The following DNAJC1 variants were observed in gnomAD, a reference collection of about 807,000 sequenced individuals.
DNAJC1 encodes DnaJ heat shock protein family (Hsp40) member C1.
DNAJC1 carries 58 observed loss-of-function variants against 76.6 expected under a neutral mutation model. The ratio of observed to expected loss-of-function variants is 0.76; its 90% CI spans 0.61 to 0.94. The LOEUF (loss-of-function observed/expected upper bound fraction) is 0.94. Among genes scored for constraint, DNAJC1 ranks in the 40% least tolerant of loss-of-function variants. The pLI, the probability that DNAJC1 is intolerant of heterozygous loss-of-function variation, is 0.00. For synonymous variants in DNAJC1, 258 were observed against 267.9 expected (o/e 0.96, Z 0.36); for missense variants, 689 against 677.3 (o/e 1.02, Z -0.19).
intron 6 of DNAJC1, among the ~76,000 whole-genome samples, chr10:21,907,656 A>G (rs1175439615): frequency 1.3e-5 from 2 of 152,060 alleles, no homozygotes; most frequent in African/African-American, 4.8e-5. Context: ...ATATGATTCC[A>G]GAGATGAAAG....
At chr10:21,975,273 T>TC (rs1232467238) in intron 1 of DNAJC1, among the ~76,000 whole-genome samples, 2 of 151,766 alleles carry the variant, frequency 1.3e-5, no homozygotes, top group Non-Finnish European at 2.9e-5. Context: ...GTTATTAATA[T>TC]CCCAATGCTC....
chr10:21,930,379 T>C (rs1837202337), intron 1 of DNAJC1, among the ~76,000 whole-genome samples: 1 of 152,228 alleles, frequency 6.6e-6, no homozygotes, highest in Non-Finnish European at 1.5e-5. Flanking sequence ...TCTCATTTGA[T>C]AGCTGACTGT....
intron 9 of DNAJC1, among the ~76,000 whole-genome samples, chr10:21,794,762 T>TA (rs922336998): frequency 1.1e-4 from 16 of 151,524 alleles, no homozygotes; most frequent in African/African-American, 3.6e-4. Flanking sequence ...ATGACACCAT[T>TA]AAAAAAAACA....
chr10:21,819,080 C>G (rs949657576), intron 8 of DNAJC1, among the ~76,000 whole-genome samples: 3 of 152,090 alleles, frequency 2.0e-5, no homozygotes, highest in Admixed American at 6.6e-5. Flanking sequence ...GCTTTAAGAC[C>G]TGATGAAAAG....
intron 8 of DNAJC1, 146 bp downstream of exon 8, chr10:21,882,136 A>G: frequency 2.7e-6 from 2 of 740,892 alleles, no homozygotes; most frequent in South Asian, 4.9e-5. Flanking sequence ...CCTGGGTGAC[A>G]GAGCGAGACT....
At chr10:21,832,949 G>C (rs1835384372) in intron 8 of DNAJC1, among the ~76,000 whole-genome samples, 2 of 152,250 alleles carry the variant, frequency 1.3e-5, no homozygotes, top group East Asian at 3.9e-4. Flanking sequence ...GATATGCTCT[G>C]AGTAGTTCTG....
chr10:21,774,530 A>C (rs929483115), intron 9 of DNAJC1, among the ~76,000 whole-genome samples: 1 of 152,204 alleles, frequency 6.6e-6, no homozygotes, highest in African/African-American at 2.4e-5. Flanking sequence ...ACTGGAGCGC[A>C]GTGGCGCAAT....
At chr10:21,819,438 C>T (rs1053429157) in intron 8 of DNAJC1, among the ~76,000 whole-genome samples, 3 of 151,942 alleles carry the variant, frequency 2.0e-5, no homozygotes, top group African/African-American at 7.3e-5. Flanking sequence ...CAGTAGTCTA[C>T]TAGCTTGTTG....
intron 6 of DNAJC1, among the ~76,000 whole-genome samples, chr10:21,908,254 A>AAT (rs1170030209): frequency 5.2e-5 from 2 of 38,124 alleles, no homozygotes; most frequent in Non-Finnish European, 7.8e-5. Flanking sequence ...ATATAGAGAA[A>AAT]ATATATATAT....
At chr10:21,936,259 T>A (rs1421108697) in intron 1 of DNAJC1, among the ~76,000 whole-genome samples, 2 of 152,208 alleles carry the variant, frequency 1.3e-5, no homozygotes, top group Non-Finnish European at 2.9e-5. Flanking sequence ...AGACAGTGAA[T>A]ATGTTGTACC....
In DNAJC1 at chr10:21,971,546, A is replaced by G. The variant is rs550396737; in HGVS notation, c.222+31667T>C. 3.3e-5 allele frequency among the ~76,000 whole-genome samples: 5 copies of G among 151,874 alleles called. No individual in the cohort carries two copies. In the South Asian group the frequency reaches 1.0e-3, roughly 31 times the overall value. On this transcript the variant is annotated intron_variant, in intron 1 of 11. Transcript: ENST00000376980. ...GCTTAGAATAAATGATACATGAAAAACAGGGACAATTTTTTAAGCTCCTTC... is the reference window on the plus strand; with the variant it reads ...GCTTAGAATAAATGATACATGAAAAGCAGGGACAATTTTTTAAGCTCCTTC...
At chr10:21,794,183 T>C (rs2131635871) in intron 9 of DNAJC1, among the ~76,000 whole-genome samples, 1 of 151,054 alleles carries the variant, frequency 6.6e-6, no homozygotes, top group East Asian at 2.0e-4. Context: ...GGTGGAAGGA[T>C]TCCTTCAGCC....
intron 1 of DNAJC1, among the ~76,000 whole-genome samples, chr10:21,988,408 T>C (rs955577365): frequency 2.6e-5 from 4 of 152,174 alleles, no homozygotes; most frequent in African/African-American, 7.2e-5. Context: ...GATGTGCTCC[T>C]CAAATTATAC....
chr10:21,882,048 G>A (rs1435880905), intron 8 of DNAJC1, among the ~76,000 whole-genome samples: 1 of 152,026 alleles, frequency 6.6e-6, no homozygotes, highest in African/African-American at 2.4e-5. Flanking sequence ...CAGCTACTTG[G>A]GAAGCTAAGG....
chr10:21,826,510 G>A (rs1835258417), intron 8 of DNAJC1, among the ~76,000 whole-genome samples: 1 of 152,104 alleles, frequency 6.6e-6, no homozygotes. Flanking sequence ...TAATTTTGAT[G>A]AAATCTAAGT....
chr10:21,939,107 T>G (rs1236725531), intron 1 of DNAJC1, among the ~76,000 whole-genome samples: 1 of 152,148 alleles, frequency 6.6e-6, no homozygotes, highest in Non-Finnish European at 1.5e-5. Flanking sequence ...GCCAGGATGG[T>G]CTTGATCTCT....
At chr10:21,837,117 T>G (rs1485287903) in intron 8 of DNAJC1, among the ~76,000 whole-genome samples, 2 of 152,246 alleles carry the variant, frequency 1.3e-5, no homozygotes, top group Non-Finnish European at 2.9e-5. Context: ...TTCGCTGTGT[T>G]GGCCAGGCTG....
chr10:21,920,584 A>G (rs1212500299), intron 4 of DNAJC1: 2 of 382,942 alleles, frequency 5.2e-6, no homozygotes, highest in Non-Finnish European at 8.8e-6. Context: ...AAAGTTTTAT[A>G]ACAAACTTAA....
intron 8 of DNAJC1, among the ~76,000 whole-genome samples, chr10:21,821,760 A>G (rs1835162458): frequency 6.6e-6 from 1 of 152,036 alleles, no homozygotes; most frequent in Admixed American, 6.6e-5. Flanking sequence ...TTATAGATTT[A>G]TAGCTCTTAA....
Sources: gnomAD v4.1 joint callset for allele counts (sites outside exome capture counted in the v4.1 genomes callset) on GRCh38, gnomAD v4.1.1 for gene constraint, MANE v1.5 for transcripts, NCBI Gene and HGNC (gene_info 2026-07-23, HGNC 2026-07-21) for gene names.